GALNTL6: variants seen among roughly 807,000 people sequenced by gnomAD.
GALNTL6 encodes polypeptide N-acetylgalactosaminyltransferase-like 6.
A neutral mutation model predicts 73.7 loss-of-function variants in GALNTL6; 46 were observed. The ratio of observed to expected loss-of-function variants is 0.62; its 90% CI spans 0.49 to 0.80. The LOEUF (loss-of-function observed/expected upper bound fraction) is 0.80, where lower values mean the gene tolerates loss of function less well. Ranked by LOEUF, GALNTL6 falls within the 30% of genes least tolerant of loss-of-function variation. The probability of loss-of-function intolerance (pLI) is 0.00; values close to 1 mark genes in which losing one functional copy is unlikely to be tolerated. For missense variants in GALNTL6, 604 were observed against 755.0 expected (o/e 0.80, Z 2.34); for synonymous variants, 259 against 263.7 (o/e 0.98, Z 0.17).
chr4:172,785,121 C>T (rs569547313), intron 5 of GALNTL6, among the ~76,000 whole-genome samples: 18 of 152,168 alleles, frequency 1.2e-4, no homozygotes, highest in African/African-American at 4.3e-4. Flanking sequence ...AGAGTTATAT[C>T]CTTCTTAACT....
At chr4:172,364,410 C>T (rs1742484472) in intron 5 of GALNTL6, among the ~76,000 whole-genome samples, 1 of 152,022 alleles carries the variant, frequency 6.6e-6, no homozygotes, top group Admixed American at 6.6e-5. Flanking sequence ...AGAGTAAGAC[C>T]CTGTCTCTAA....
chr4:172,206,814 G>GTTTTTTTTTTT (rs796625697), intron 2 of GALNTL6, among the ~76,000 whole-genome samples: 2 of 57,964 alleles, frequency 3.5e-5, no homozygotes, highest in African/African-American at 9.9e-5. Flanking sequence ...TGTTTTTTTT[G>GTTTTTTTTTTT]TTTGTTTTTT....
At chr4:172,580,319 G>A (rs1396490642) in intron 5 of GALNTL6, among the ~76,000 whole-genome samples, 1 of 152,086 alleles carries the variant, frequency 6.6e-6, no homozygotes, top group Non-Finnish European at 1.5e-5. Flanking sequence ...GGAATTGAAA[G>A]CCCTATAAAG....
chr4:172,380,038 T>C (rs1743222100), intron 5 of GALNTL6: 1 of 960,254 alleles, frequency 1.0e-6, no homozygotes, highest in Non-Finnish European at 1.7e-6. Context: ...TTAAATATTA[T>C]TCATGGCATA....
At chr4:172,984,961 G>T (rs995133281) in intron 10 of GALNTL6, among the ~76,000 whole-genome samples, 11 of 152,016 alleles carry the variant, frequency 7.2e-5, no homozygotes, top group South Asian at 2.1e-4. Flanking sequence ...TAACAAAAAA[G>T]AACCTGTACC....
intron 5 of GALNTL6, among the ~76,000 whole-genome samples, chr4:172,548,970 A>G (rs1735867301): frequency 6.6e-6 from 1 of 152,186 alleles, no homozygotes; most frequent in African/African-American, 2.4e-5. Flanking sequence ...ATACTGAAGT[A>G]CTAGGTAAAT....
intron 5 of GALNTL6, among the ~76,000 whole-genome samples, chr4:172,359,454 G>T (rs1742287638): frequency 6.6e-6 from 1 of 152,148 alleles, no homozygotes; most frequent in Admixed American, 6.5e-5. Flanking sequence ...AAATCCCTAT[G>T]ACATGAGTTT....
intron 5 of GALNTL6, among the ~76,000 whole-genome samples, chr4:172,496,372 T>C (rs912292592): frequency 6.6e-6 from 1 of 152,120 alleles, no homozygotes; most frequent in Non-Finnish European, 1.5e-5. Flanking sequence ...ATAAGTTATA[T>C]TTTTCTTTTA....
chr4:172,130,145 T>C (rs953409273), intron 2 of GALNTL6, among the ~76,000 whole-genome samples: 4 of 151,634 alleles, frequency 2.6e-5, no homozygotes, highest in Non-Finnish European at 4.4e-5. Context: ...GCCAGTCAGG[T>C]TGGACAGGCA....
At chr4:172,402,497 T>C (rs529952137) in intron 5 of GALNTL6, among the ~76,000 whole-genome samples, 2 of 152,210 alleles carry the variant, frequency 1.3e-5, no homozygotes, top group East Asian at 3.9e-4. Context: ...ACTGGAACGG[T>C]GAAGGATACA....
At chr4:171,818,697 A>G (rs750633091) in intron 2 of GALNTL6, among the ~76,000 whole-genome samples, 5 of 151,888 alleles carry the variant, frequency 3.3e-5, no homozygotes, top group Non-Finnish European at 7.4e-5. Flanking sequence ...ACATAACAAG[A>G]TGAATAAAGT....
rs28869238 is a variant in GALNTL6, at chr4:172,959,526, T to C, written c.1371+7268T>C. On this transcript the variant is annotated intron_variant, in intron 10 of 12. Coordinates refer to ENST00000506823, the MANE Select transcript of GALNTL6 (RefSeq NM_001034845.3). ...GCTAATGTGGAGTGAGTAGACTCCA[T>C]GTTGATTAAGAAGGGGATAGACTTA... 3.3e-3 allele frequency among the ~76,000 whole-genome samples: 494 copies of C among 151,812 alleles called. 1 individual carries two copies. The highest frequency in any genetic ancestry group is 0.011 in the African/African-American group (446 of 41,370).
chr4:172,754,768 C>G (rs6553655), intron 5 of GALNTL6, among the ~76,000 whole-genome samples: 144,776 of 151,414 alleles, frequency 0.96, 69,543 homozygotes, highest in East Asian at 1. Flanking sequence ...TGGCCCAACT[C>G]TTCCACAATT....
At chr4:172,762,779 C>A in intron 5 of GALNTL6, among the ~76,000 whole-genome samples, 1 of 19,118 alleles carries the variant, frequency 5.2e-5, no homozygotes. Flanking sequence ...ACAGCAGATT[C>A]ACTCAAAAAA....
intron 3 of GALNTL6, among the ~76,000 whole-genome samples, chr4:172,294,826 G>C (rs1258744887): frequency 6.6e-6 from 1 of 151,944 alleles, no homozygotes; most frequent in African/African-American, 2.4e-5. Context: ...TGATAATTTG[G>C]TAACTACAAA....
intron 2 of GALNTL6, among the ~76,000 whole-genome samples, chr4:172,145,478 C>CA (rs1461624221): frequency 1.3e-5 from 2 of 152,184 alleles, no homozygotes. Context: ...CTCCTGGACT[C>CA]AAGCAATCCA....
intron 10 of GALNTL6, among the ~76,000 whole-genome samples, chr4:172,986,041 A>T (rs1751274365): frequency 6.6e-6 from 1 of 152,178 alleles, no homozygotes; most frequent in Non-Finnish European, 1.5e-5. Context: ...TTATAAACTC[A>T]ATTACTCCCA....
chr4:171,877,758 G>T (rs926650858), intron 2 of GALNTL6, among the ~76,000 whole-genome samples: 1 of 152,028 alleles, frequency 6.6e-6, no homozygotes, highest in Non-Finnish European at 1.5e-5. Flanking sequence ...CTTTATTATA[G>T]AAAACAAAGG....
At chr4:172,375,981 A>G (rs778011042) in intron 5 of GALNTL6, among the ~76,000 whole-genome samples, 7 of 152,312 alleles carry the variant, frequency 4.6e-5, no homozygotes, top group South Asian at 2.1e-4. Flanking sequence ...CCTCACTTAC[A>G]TGAATAGGAA....
Sources: allele counts gnomAD v4.1 joint callset (sites outside exome capture counted in the v4.1 genomes callset), GRCh38; gene constraint gnomAD v4.1.1; transcripts MANE v1.5; gene names NCBI Gene and HGNC (gene_info 2026-07-23, HGNC 2026-07-21).